SGCD: variants seen among roughly 807,000 people sequenced by gnomAD.
The protein encoded by SGCD is sarcoglycan delta.
Under a neutral mutation model 36.6 loss-of-function variants are expected in SGCD, and 18 were observed. That is an observed-to-expected ratio of 0.49 (90% CI 0.34 to 0.73). SGCD has a LOEUF of 0.73. Among genes scored for constraint, SGCD ranks in the 30% least tolerant of loss-of-function variants. SGCD has a pLI of 0.01. For synonymous variants in SGCD, 133 were observed against 130.6 expected, an observed-to-expected ratio of 1.02 and a Z score of -0.12; for missense variants, 387 against 346.7, an observed-to-expected ratio of 1.12 and a Z score of -0.92.
intron 1 of SGCD, among the ~76,000 whole-genome samples, chr5:155,888,440 A>G (rs1282352193): frequency 6.6e-6 from 1 of 152,240 alleles, no homozygotes; most frequent in Non-Finnish European, 1.5e-5. Flanking sequence ...GGGTAACAAA[A>G]GAAAAGCACA....
At position 156,406,018 on chromosome 5, in the gene SGCD, T is replaced by TAAAAAAAAAAAAAAAAAAA. The variant is rs10529406; in HGVS notation, c.192+61357_192+61358insAAAAAAAAAAAAAAAAAAA. Among the ~76,000 whole-genome samples, 15 of 103,976 alleles carry TAAAAAAAAAAAAAAAAAAA rather than the reference T, an allele frequency of 1.4e-4. 1 individual carries two copies. The highest frequency in any genetic ancestry group is 7.1e-4 in the East Asian group (2 of 2,812). The allele number at this position is 103,976 out of a possible 152,430, so 68.2% of individuals were successfully genotyped here. A position where few individuals can be genotyped will look rare whatever the true frequency, so the allele number is the denominator to read the frequency against. ...TGCTGTATTTGGCCCTATCTTTGCT[T>TAAAAAAAAAAAAAAAAAAA]AAAAAAAAAAAAAAAAGGCCTCTGG... On this transcript the variant is annotated intron_variant, in intron 3 of 8. Coordinates refer to ENST00000337851, the MANE Select transcript of SGCD (RefSeq NM_000337.6).
At chr5:156,134,103 T>C (rs1439037575) in intron 3 of SGCD, among the ~76,000 whole-genome samples, 2 of 152,114 alleles carry the variant, frequency 1.3e-5, no homozygotes, top group African/African-American at 4.8e-5. Flanking sequence ...CAGAAAGACC[T>C]TTTTTTCCCC....
At chr5:156,302,073 TATTATC>T (rs1024798572) in intron 3 of SGCD, among the ~76,000 whole-genome samples, 1 of 152,170 alleles carries the variant, frequency 6.6e-6, no homozygotes, top group Non-Finnish European at 1.5e-5. Context: ...AACATTCTGT[TATTATC>T]CCTTTGAATA....
At chr5:156,307,319 G>T (rs1275315011) in intron 3 of SGCD, among the ~76,000 whole-genome samples, 1 of 152,120 alleles carries the variant, frequency 6.6e-6, no homozygotes, top group Admixed American at 6.5e-5. Flanking sequence ...GTGCTGCACA[G>T]ATGTGAGCCA....
chr5:156,095,657 G>A (rs554177863), intron 1 of SGCD, among the ~76,000 whole-genome samples: 46 of 152,110 alleles, frequency 3.0e-4, no homozygotes, highest in Non-Finnish European at 6.2e-4. Flanking sequence ...GGATTTCAGT[G>A]AGCAAGATAA....
At chr5:156,720,501 G>C (rs536800412) in intron 7 of SGCD, among the ~76,000 whole-genome samples, 2 of 152,244 alleles carry the variant, frequency 1.3e-5, no homozygotes, top group East Asian at 3.9e-4. Context: ...TCTAGAACAG[G>C]GTGAAAAAGG....
chr5:156,684,244 C>T (rs1753824233), intron 7 of SGCD, among the ~76,000 whole-genome samples: 1 of 151,742 alleles, frequency 6.6e-6, no homozygotes, highest in Admixed American at 6.6e-5. Flanking sequence ...AGGTGGATGG[C>T]ATTCTGGGTG....
intron 3 of SGCD, among the ~76,000 whole-genome samples, chr5:156,486,579 A>G (rs962547973): frequency 5.3e-5 from 8 of 152,034 alleles, no homozygotes; most frequent in Non-Finnish European, 1.2e-4. Flanking sequence ...CCACCCACTG[A>G]TGTCAATGCC....
intron 3 of SGCD, among the ~76,000 whole-genome samples, chr5:156,214,177 A>G (rs917549942): frequency 3.3e-5 from 5 of 152,002 alleles, no homozygotes; most frequent in African/African-American, 1.2e-4. Flanking sequence ...CTCTGCTTGC[A>G]GATATCAGGA....
intron 7 of SGCD, among the ~76,000 whole-genome samples, chr5:156,706,888 T>C (rs157341): frequency 0.91 from 138,852 of 152,186 alleles, 63,481 homozygotes; most frequent in East Asian, 0.99. Flanking sequence ...GTTTATACCC[T>C]AATCCAGCCT....
At chr5:156,032,706 CAAAAAAAAAA>C (rs1171072619) in intron 1 of SGCD, among the ~76,000 whole-genome samples, 14 of 15,068 alleles carry the variant, frequency 9.3e-4, no homozygotes, top group South Asian at 5.8e-3. Flanking sequence ...GACTCCGTCT[CAAAAAAAAAA>C]AAAAAAAAAA....
intron 7 of SGCD, among the ~76,000 whole-genome samples, chr5:156,656,048 G>A (rs1478712963): frequency 1.3e-5 from 2 of 151,938 alleles, no homozygotes; most frequent in African/African-American, 4.8e-5. Context: ...TTCTTTCTCA[G>A]GTACATGCCA....
the SGCD span, among the ~76,000 whole-genome samples, chr5:155,843,353 G>A: frequency 6.6e-6 from 1 of 151,866 alleles, no homozygotes; most frequent in Admixed American, 6.6e-5. Context: ...TAAGGAATAT[G>A]GTGTAGGAAA....
chr5:156,145,525 C>A (rs2127612514), intron 3 of SGCD, among the ~76,000 whole-genome samples: 1 of 152,148 alleles, frequency 6.6e-6, no homozygotes, highest in Non-Finnish European at 1.5e-5. Flanking sequence ...CCCTCTATAT[C>A]CTTTTTGAAT....
chr5:156,269,505 A>AAAAACAAAAC (rs1561593295), intron 3 of SGCD, among the ~76,000 whole-genome samples: 1 of 86,174 alleles, frequency 1.2e-5, no homozygotes, highest in African/African-American at 5.2e-5. Flanking sequence ...AAAAAAAAAA[A>AAAAACAAAAC]AAAAACCATC....
intron 3 of SGCD, among the ~76,000 whole-genome samples, chr5:156,436,187 G>A (rs1753236454): frequency 6.6e-6 from 1 of 152,150 alleles, no homozygotes; most frequent in Admixed American, 6.6e-5. Flanking sequence ...AATTTGAATT[G>A]ATTTTATGTG....
intron 1 of SGCD, among the ~76,000 whole-genome samples, chr5:156,068,456 C>T (rs1249187694): frequency 2.0e-5 from 3 of 152,248 alleles, no homozygotes; most frequent in East Asian, 3.9e-4. Flanking sequence ...ATGAACTCCT[C>T]ATTTTTTATG....
intron 1 of SGCD, among the ~76,000 whole-genome samples, chr5:156,006,847 T>C (rs1758768235): frequency 6.6e-6 from 1 of 152,212 alleles, no homozygotes; most frequent in Non-Finnish European, 1.5e-5. Context: ...GGGGAGAGTT[T>C]CTACACATAC....
chr5:156,728,019 T>C (rs1174260906), intron 7 of SGCD, among the ~76,000 whole-genome samples: 1 of 152,184 alleles, frequency 6.6e-6, no homozygotes, highest in Non-Finnish European at 1.5e-5. Context: ...ATACCTCAAT[T>C]ATCCTCCCCA....
Sources: gnomAD v4.1 joint callset for allele counts (sites outside exome capture counted in the v4.1 genomes callset) on GRCh38, gnomAD v4.1.1 for gene constraint, MANE v1.5 for transcripts, NCBI Gene and HGNC (gene_info 2026-07-23, HGNC 2026-07-21) for gene names.